FBXW4: variants seen among roughly 807,000 people sequenced by gnomAD.
FBXW4 encodes F-box/WD repeat-containing protein 4.
FBXW4 carries 40 observed loss-of-function variants against 61.8 expected under a neutral mutation model. The ratio of observed to expected loss-of-function variants is 0.65; its 90% confidence interval spans 0.50 to 0.84. The LOEUF (loss-of-function observed/expected upper bound fraction) is 0.84, where lower values mean the gene tolerates loss of function less well. Among genes scored for constraint, FBXW4 ranks in the 40% least tolerant of loss-of-function variants. The pLI is 0.00. For missense variants in FBXW4, 672 were observed against 753.8 expected (o/e 0.89, Z 1.27); for synonymous variants, 311 against 313.8 (o/e 0.99, Z 0.10).
At chr10:101,648,143 T>C (rs1259490112) in intron 5 of FBXW4, among the ~76,000 whole-genome samples, 2 of 152,214 alleles carry the variant, frequency 1.3e-5, no homozygotes, top group Non-Finnish European at 2.9e-5. Context: ...TTTGGGTTTT[T>C]TTGTTTGTTT....
Position 101,660,164 on chromosome 10 carries a change from C to G in FBXW4, c.1235+7722G>C, listed in dbSNP as rs183110667. 4 of 985,434 alleles carry G rather than the reference C, an allele frequency of 4.1e-6. No homozygotes were observed. In the African/African-American group the frequency reaches 7.0e-5, roughly 17 times the overall value. 61.0% of individuals were successfully genotyped at this position (985,434 alleles called of 1,614,324 possible). On this transcript the variant is annotated intron_variant, in intron 5 of 8. Coordinates refer to ENST00000331272, the MANE Select transcript of FBXW4 (RefSeq NM_022039.4). ...ACAGGTCAGATAAGAGGAGAAAGAG[C>G]TCCTACACAGCACCTTCATTTGAGG...
chr10:101,622,466 G>C (rs530751156), intron 6 of FBXW4, among the ~76,000 whole-genome samples: 1 of 152,116 alleles, frequency 6.6e-6, no homozygotes, highest in Non-Finnish European at 1.5e-5. Context: ...GGTGGCTCAC[G>C]CCTGTAATCC....
At chr10:101,645,378 A>G (rs2064087931) in intron 5 of FBXW4, among the ~76,000 whole-genome samples, 1 of 152,210 alleles carries the variant, frequency 6.6e-6, no homozygotes, top group South Asian at 2.1e-4. Context: ...TTGGCTCCCC[A>G]GTCCCATTTG....
chr10:101,666,876 G>T (rs778369539), intron 5 of FBXW4, among the ~76,000 whole-genome samples: 13 of 151,486 alleles, frequency 8.6e-5, no homozygotes, highest in South Asian at 6.3e-4. Flanking sequence ...GGTCAATATA[G>T]AAACACCCCA....
intron 6 of FBXW4, among the ~76,000 whole-genome samples, chr10:101,622,572 CA>C (rs1318234205): frequency 3.3e-5 from 5 of 151,616 alleles, no homozygotes; most frequent in African/African-American, 1.2e-4. Context: ...CTAAAAGATA[CA>C]AAAAATTAGC....
chr10:101,650,882 A>G (rs540352693), intron 5 of FBXW4, among the ~76,000 whole-genome samples: 3 of 152,296 alleles, frequency 2.0e-5, no homozygotes, highest in African/African-American at 7.2e-5. Flanking sequence ...ATCGGATACA[A>G]AGATCGGGCT....
At chr10:101,672,863 C>G in intron 4 of FBXW4, 52 bp downstream of exon 4, 2 of 1,592,908 alleles carry the variant, frequency 1.3e-6, no homozygotes, top group Middle Eastern at 1.7e-4. Context: ...CTATCCACCC[C>G]CTCCCTATAG....
intron 6 of FBXW4, among the ~76,000 whole-genome samples, chr10:101,619,782 T>C (rs924980355): frequency 2.0e-5 from 3 of 151,920 alleles, no homozygotes; most frequent in African/African-American, 7.3e-5. Context: ...TGCCCCTCCA[T>C]CCCTGTTCCA....
Position 101,667,997 on chromosome 10 carries a change from AGATGC to A in FBXW4, c.1141-22_1141-18del. The A allele has an allele frequency of 6.2e-7, 1 of 1,605,980 alleles. No homozygotes were observed. The highest frequency in any genetic ancestry group is 8.5e-7 in the Non-Finnish European group (1 of 1,172,528). On this transcript the variant is annotated intron_variant, in intron 4 of 8. Coordinates refer to ENST00000331272, the MANE Select transcript of FBXW4 (RefSeq NM_022039.4). ...AGGCCACACCTAGAAACAGGAGAGG[AGATGC>A]TCTCGTTGGCATTGCCTGGGATCAG...
At chr10:101,637,607 C>G (rs1181610307) in intron 5 of FBXW4, among the ~76,000 whole-genome samples, 4 of 144,372 alleles carry the variant, frequency 2.8e-5, no homozygotes, top group African/African-American at 1.0e-4. Flanking sequence ...ACTTGGGAAG[C>G]TGAGGCATGA....
At chr10:101,620,975 A>C (rs758361929) in intron 6 of FBXW4, among the ~76,000 whole-genome samples, 3 of 152,216 alleles carry the variant, frequency 2.0e-5, no homozygotes, top group Non-Finnish European at 4.4e-5. Flanking sequence ...GAGGCCATTC[A>C]AAGATTACCC....
intron 1 of FBXW4, among the ~76,000 whole-genome samples, chr10:101,682,091 A>C (rs1413699302): frequency 1.3e-5 from 2 of 152,232 alleles, no homozygotes; most frequent in Non-Finnish European, 2.9e-5. Flanking sequence ...AAAGTTAATT[A>C]TCTTTACATA....
chr10:101,654,064 T>C (rs1412820669), intron 5 of FBXW4, among the ~76,000 whole-genome samples: 1 of 139,536 alleles, frequency 7.2e-6, no homozygotes, highest in African/African-American at 2.7e-5. Context: ...GAAGTTGCAG[T>C]GAGCCGAGAT....
At chr10:101,612,576 C>G in intron 6 of FBXW4, 99 bp from the exon 7 acceptor site, 1 of 1,306,004 alleles carries the variant, frequency 7.7e-7, no homozygotes, top group Non-Finnish European at 1.0e-6. Flanking sequence ...TGTTCTCTTT[C>G]CTCAGCTAGA....
At chr10:101,690,564 G>T (rs1211322624) in intron 1 of FBXW4, among the ~76,000 whole-genome samples, 7 of 152,174 alleles carry the variant, frequency 4.6e-5, no homozygotes, top group Non-Finnish European at 7.3e-5. Context: ...TTTTAAAGTG[G>T]CCAGAATGCC....
Position 101,636,666 on chromosome 10 carries a change from C to A in FBXW4, c.1236-11856G>T, listed in dbSNP as rs535655106. Among the ~76,000 whole-genome samples the A allele has an allele frequency of 2.6e-5, 4 of 151,672 alleles. No homozygotes were observed. The South Asian group carries it at 8.3e-4, about 32-fold the overall frequency. ...GTAATGGTGCAATCTCGGCTCTCTG[C>A]AACCTCTGCCTCCCGGAATCAAGCA... On this transcript the variant is annotated intron_variant, in intron 5 of 8. Transcript: ENST00000331272.
chr10:101,651,492 A>G (rs1434926795), intron 5 of FBXW4, among the ~76,000 whole-genome samples: 1 of 152,206 alleles, frequency 6.6e-6, no homozygotes, highest in Non-Finnish European at 1.5e-5. Flanking sequence ...GTGGTGAATC[A>G]GGGACGGTTT....
intron 1 of FBXW4, among the ~76,000 whole-genome samples, chr10:101,690,835 T>C (rs1053728444): frequency 2.6e-5 from 4 of 152,202 alleles, no homozygotes; most frequent in African/African-American, 7.2e-5. Flanking sequence ...ACAGTGCGTG[T>C]GTGTGCGTGT....
intron 5 of FBXW4, among the ~76,000 whole-genome samples, 167 bp downstream of exon 5, chr10:101,667,719 T>C (rs184044682): frequency 1.2e-4 from 19 of 152,326 alleles, no homozygotes; most frequent in African/African-American, 4.3e-4. Flanking sequence ...CACGCATATA[T>C]GAAGTGGCCT....
Sources: gnomAD v4.1 joint callset for allele counts (sites outside exome capture counted in the v4.1 genomes callset) on GRCh38, gnomAD v4.1.1 for gene constraint, MANE v1.5 for transcripts, NCBI Gene and HGNC (gene_info 2026-07-23, HGNC 2026-07-21) for gene names.